MTHFD2L: variants seen among roughly 807,000 people sequenced by gnomAD.
The protein encoded by MTHFD2L is bifunctional methylenetetrahydrofolate dehydrogenase/cyclohydrolase 2, mitochondrial.
A neutral mutation model predicts 34.9 loss-of-function variants in MTHFD2L; 29 were observed. The observed-to-expected ratio is 0.83, with a 90% CI of 0.62 to 1.13. The LOEUF (loss-of-function observed/expected upper bound fraction) is 1.13, where lower values mean the gene tolerates loss of function less well. Among genes scored for constraint, MTHFD2L ranks in the 50% most tolerant of loss-of-function variants. The pLI is 0.00. For synonymous variants in MTHFD2L, 167 were observed against 155.7 expected, an observed-to-expected ratio of 1.07 and a Z score of -0.54; for missense variants, 481 against 446.5, an observed-to-expected ratio of 1.08 and a Z score of -0.70.
intron 7 of MTHFD2L, among the ~76,000 whole-genome samples, chr4:74,299,337 GT>G (rs1750008807): frequency 6.6e-6 from 1 of 151,612 alleles, no homozygotes; most frequent in African/African-American, 2.4e-5. Context: ...TGTTCTATTA[GT>G]ATAAATGGTA....
intron 7 of MTHFD2L, among the ~76,000 whole-genome samples, chr4:74,286,301 C>A (rs1226386935): frequency 6.6e-6 from 1 of 152,132 alleles, no homozygotes; most frequent in East Asian, 1.9e-4. Context: ...AATAATCATG[C>A]AGCAAATAAT....
chr4:74,186,893 C>T (rs192226298), intron 3 of MTHFD2L, among the ~76,000 whole-genome samples: 133 of 152,156 alleles, frequency 8.7e-4, no homozygotes, highest in Non-Finnish European at 9.1e-4. Context: ...TTAACATTGC[C>T]TGATGTCAAA....
intron 6 of MTHFD2L, among the ~76,000 whole-genome samples, chr4:74,234,092 T>C (rs1431180494): frequency 6.6e-6 from 1 of 152,070 alleles, no homozygotes; most frequent in Non-Finnish European, 1.5e-5. Context: ...GGTCAAATGA[T>C]ACATCATTTA....
chr4:74,220,706 C>T lies in MTHFD2L; in HGVS notation c.713-4596C>T, dbSNP rs907620949. On this transcript the variant is annotated intron_variant, in intron 5 of 7. Coordinates refer to ENST00000325278, the MANE Select transcript of MTHFD2L (RefSeq NM_001144978.3). ...TTTTGTACTGCTATTATAATGGGGCCTCTTCTTACAATGTATTTTCTAAGA... is the reference window on the plus strand; with the variant it reads ...TTTTGTACTGCTATTATAATGGGGCTTCTTCTTACAATGTATTTTCTAAGA... Among the ~76,000 whole-genome samples the T allele has an allele frequency of 7.3e-5, 11 of 151,370 alleles. No homozygotes were observed. In the South Asian group the frequency reaches 2.3e-3, roughly 31 times the overall value.
rs183942639 is a variant in MTHFD2L, at chr4:74,186,981, A to T, written c.451+11578A>T. Among the ~76,000 whole-genome samples the T allele has an allele frequency of 2.0e-5, 3 of 152,324 alleles. No individual in the cohort carries two copies. The East Asian group carries it at 5.8e-4, about 29-fold the overall frequency. On this transcript the variant is annotated intron_variant, in intron 3 of 7. Coordinates refer to ENST00000325278, the MANE Select transcript of MTHFD2L (RefSeq NM_001144978.3). Reference sequence around the variant, plus strand: ...GAAAATCAGATCAATGAAACAAAATAGAAAGTCCAGAAAGAGATTCACACT... The same window carrying T: ...GAAAATCAGATCAATGAAACAAAATTGAAAGTCCAGAAAGAGATTCACACT...
intron 1 of MTHFD2L, among the ~76,000 whole-genome samples, chr4:74,163,113 A>G (rs537882687): frequency 1.3e-5 from 2 of 152,318 alleles, no homozygotes; most frequent in Admixed American, 1.3e-4. Context: ...CAACAAATAC[A>G]TAATATCATC....
Position 74,301,812 on chromosome 4 carries a change from C to T in MTHFD2L, c.*3C>T, listed in dbSNP as rs755772655. The T allele has an allele frequency of 6.3e-7, 1 of 1,581,754 alleles. No individual in the cohort carries two copies. The highest frequency in any genetic ancestry group is 8.6e-7 in the Non-Finnish European group (1 of 1,156,086). The stretch of plus-strand genomic sequence containing the variant: ...CAGCTAAAAAAATCATTTACTAGAT[C>T]ACATGAAAGGATAAAGCAAACTGAA... On this transcript the variant is annotated 3_prime_UTR_variant, in exon 8 of 8. Transcript: ENST00000325278.
chr4:74,162,040 C>T (rs1348235095), intron 1 of MTHFD2L: 1 of 152,156 alleles, frequency 6.6e-6, no homozygotes, highest in Non-Finnish European at 1.5e-5. Context: ...CAACATTTTA[C>T]ATACAATGTA....
At chr4:74,209,012 A>G (rs1201371689) in intron 5 of MTHFD2L, among the ~76,000 whole-genome samples, 1 of 152,088 alleles carries the variant, frequency 6.6e-6, no homozygotes, top group Non-Finnish European at 1.5e-5. Context: ...CTGAGGCTCC[A>G]GTTGCTTGAC....
At chr4:74,247,614 G>A (rs932213777) in intron 6 of MTHFD2L, among the ~76,000 whole-genome samples, 17 of 152,262 alleles carry the variant, frequency 1.1e-4, no homozygotes, top group Non-Finnish European at 1.8e-4. Context: ...TTGGCTGTGG[G>A]TTTGTCATAG....
At chr4:74,259,305 T>C (rs904981721) in intron 6 of MTHFD2L, among the ~76,000 whole-genome samples, 9 of 152,294 alleles carry the variant, frequency 5.9e-5, no homozygotes, top group Non-Finnish European at 1.3e-4. Flanking sequence ...GTAGAAGTTA[T>C]ACGTTACATG....
chr4:74,249,247 G>C (rs529926084), intron 6 of MTHFD2L, among the ~76,000 whole-genome samples: 7 of 150,622 alleles, frequency 4.6e-5, no homozygotes, highest in African/African-American at 1.7e-4. Flanking sequence ...GGCCTTCTTT[G>C]TCTCTTTTGA....
chr4:74,222,025 AT>A (rs902407155), intron 5 of MTHFD2L, among the ~76,000 whole-genome samples: 1 of 151,736 alleles, frequency 6.6e-6, no homozygotes, highest in African/African-American at 2.4e-5. Context: ...AAAAATATAT[AT>A]TTTTTTATTT....
Position 74,301,858 on chromosome 4 carries a change from G to A in MTHFD2L, c.*49G>A. The A allele has an allele frequency of 3.3e-6, 4 of 1,213,798 alleles. No individual in the cohort carries two copies. The highest frequency in any genetic ancestry group is 4.7e-6 in the Non-Finnish European group (4 of 843,098). The allele number at this position is 1,213,798 out of a possible 1,614,324, so 75.2% of individuals were successfully genotyped here. The stretch of plus-strand genomic sequence containing the variant: ...CTGAAGTCATGCTATTTGTTTATTT[G>A]ACAAAGGGTAAAACCTTTATATTTT... On this transcript the variant is annotated 3_prime_UTR_variant, in exon 8 of 8. Transcript: ENST00000325278.
chr4:74,115,565 C>T (rs914075539), intron 2 of MTHFD2L, among the ~76,000 whole-genome samples: 1 of 152,226 alleles, frequency 6.6e-6, no homozygotes, highest in African/African-American at 2.4e-5. Flanking sequence ...AGGGGGTGCT[C>T]TGTCAGTATG....
Position 74,139,812 on chromosome 4 carries a change from T to C in MTHFD2L, c.-297+14295T>C, listed in dbSNP as rs890841473. ...TTTGGGTCAAAAATAGTTTCTAATT[T>C]CTCTTTTCATGTCTTTTTCATTTCC... On this transcript the variant is annotated intron_variant, in intron 1 of 7. Coordinates refer to the MTHFD2L transcript ENST00000433372. Among the ~76,000 whole-genome samples the C allele has an allele frequency of 5.3e-5, 8 of 152,216 alleles. No homozygotes were observed. In the East Asian group the frequency reaches 1.5e-3, roughly 29 times the overall value.
At chr4:74,300,215 A>G (rs1750123926) in intron 7 of MTHFD2L, among the ~76,000 whole-genome samples, 1 of 152,020 alleles carries the variant, frequency 6.6e-6, no homozygotes, top group East Asian at 1.9e-4. Flanking sequence ...TTTTCTTTAT[A>G]GCATCCCATC....
At chr4:74,150,862 C>A (rs1723892138) in intron 1 of MTHFD2L, among the ~76,000 whole-genome samples, 1 of 151,382 alleles carries the variant, frequency 6.6e-6, no homozygotes. Context: ...CTAACAATTA[C>A]CATGGAAAAC....
At chr4:74,115,092 A>T (rs1226595942) in intron 2 of MTHFD2L, among the ~76,000 whole-genome samples, 1 of 152,168 alleles carries the variant, frequency 6.6e-6, no homozygotes, top group Non-Finnish European at 1.5e-5. Context: ...CAAAGAAATG[A>T]TGGTATTAGG....
Sources: allele counts gnomAD v4.1 joint callset (sites outside exome capture counted in the v4.1 genomes callset), GRCh38; gene constraint gnomAD v4.1.1; transcripts MANE v1.5; gene names NCBI Gene and HGNC (gene_info 2026-07-23, HGNC 2026-07-21).